The following ARHGAP10 variants were observed in gnomAD, a reference collection of about 807,000 sequenced individuals.
ARHGAP10 encodes rho GTPase-activating protein 10.
ARHGAP10 carries 87 observed loss-of-function variants against 108.6 expected under a neutral mutation model. The ratio of observed to expected loss-of-function variants is 0.80; its 90% CI spans 0.67 to 0.96. ARHGAP10 has a LOEUF of 0.96. Ranked by LOEUF, ARHGAP10 falls within the 40% of genes least tolerant of loss-of-function variation. ARHGAP10 has a pLI of 0.00. For missense variants in ARHGAP10, 939 were observed against 954.5 expected (o/e 0.98, Z 0.21); for synonymous variants, 347 against 341.1 (o/e 1.02, Z -0.19).
chr4:148,057,029 A>C (rs775196980), intron 20 of ARHGAP10, among the ~76,000 whole-genome samples: 1 of 152,192 alleles, frequency 6.6e-6, no homozygotes, highest in Non-Finnish European at 1.5e-5. Flanking sequence ...TGCTCAGCCA[A>C]GTTTCAGTTG....
chr4:147,803,954 G>C (rs1048435989), intron 1 of ARHGAP10, among the ~76,000 whole-genome samples: 2 of 151,100 alleles, frequency 1.3e-5, no homozygotes, highest in Admixed American at 1.3e-4. Context: ...ATAAATATTC[G>C]ATAGTGGGAA....
chr4:148,040,573 C>T (rs901584115), intron 19 of ARHGAP10, among the ~76,000 whole-genome samples: 2 of 152,072 alleles, frequency 1.3e-5, no homozygotes, highest in African/African-American at 4.8e-5. Context: ...AACTCCTGGC[C>T]TCAGGTGATC....
intron 1 of ARHGAP10, among the ~76,000 whole-genome samples, chr4:147,793,155 T>C (rs1731183043): frequency 6.6e-6 from 1 of 151,452 alleles, no homozygotes; most frequent in African/African-American, 2.4e-5. Flanking sequence ...AGAAAATGTG[T>C]GTGTATGTAT....
At chr4:148,051,021 G>T (rs1313668173) in intron 20 of ARHGAP10, among the ~76,000 whole-genome samples, 1 of 152,222 alleles carries the variant, frequency 6.6e-6, no homozygotes, top group Non-Finnish European at 1.5e-5. Flanking sequence ...CAGTAGATCT[G>T]TTGAACAAAA....
chr4:147,799,078 A>G (rs968332523), intron 1 of ARHGAP10, among the ~76,000 whole-genome samples: 3 of 151,096 alleles, frequency 2.0e-5, no homozygotes, highest in African/African-American at 7.3e-5. Flanking sequence ...TCTGTCACCC[A>G]GGCTGGAATG....
intron 18 of ARHGAP10, among the ~76,000 whole-genome samples, chr4:148,010,841 C>G (rs1233966509): frequency 6.6e-6 from 1 of 152,202 alleles, no homozygotes; most frequent in African/African-American, 2.4e-5. Flanking sequence ...ATGTACTGCT[C>G]TAATGGTAGT....
chr4:147,988,436 C>CGGT (rs1255729723), intron 18 of ARHGAP10, among the ~76,000 whole-genome samples: 1 of 152,130 alleles, frequency 6.6e-6, no homozygotes, highest in Non-Finnish European at 1.5e-5. Flanking sequence ...GCCTGCCGGT[C>CGGT]CTTTGGTCAG....
intron 19 of ARHGAP10, among the ~76,000 whole-genome samples, chr4:148,038,676 T>G (rs544816470): frequency 6.6e-6 from 1 of 152,278 alleles, no homozygotes; most frequent in East Asian, 1.9e-4. Flanking sequence ...TTGGTTTTGA[T>G]TGGGTGGCCC....
intron 13 of ARHGAP10, 131 bp downstream of exon 13, chr4:147,913,270 A>G (rs1717434015): frequency 2.6e-6 from 2 of 759,372 alleles, no homozygotes; most frequent in Non-Finnish European, 4.4e-6. Context: ...TCTGAGTATC[A>G]GAAGGATCAG....
chr4:147,754,466 G>T (rs758403058), intron 1 of ARHGAP10, among the ~76,000 whole-genome samples: 1 of 152,180 alleles, frequency 6.6e-6, no homozygotes, highest in East Asian at 1.9e-4. Context: ...GCACAGTTGG[G>T]ATAGTGTTCA....
chr4:147,780,324 T>C (rs186166057), intron 1 of ARHGAP10, among the ~76,000 whole-genome samples: 36 of 152,124 alleles, frequency 2.4e-4, no homozygotes, highest in African/African-American at 8.4e-4. Context: ...GCCCTACCTC[T>C]CCTCTCCTAC....
At chr4:147,906,859 A>T in intron 11 of ARHGAP10, 140 bp downstream of exon 11, 3 of 960,674 alleles carry the variant, frequency 3.1e-6, no homozygotes, top group Non-Finnish European at 4.8e-6. Context: ...GAAGCATTCA[A>T]CATTCTAGTA....
chr4:147,844,461 A>G (rs1314677508), intron 3 of ARHGAP10, among the ~76,000 whole-genome samples: 1 of 152,062 alleles, frequency 6.6e-6, no homozygotes, highest in African/African-American at 2.4e-5. Flanking sequence ...TGTACCCATT[A>G]ACCATCCCTA....
At chr4:147,896,208 A>G (rs975586480) in intron 10 of ARHGAP10, among the ~76,000 whole-genome samples, 11 of 152,156 alleles carry the variant, frequency 7.2e-5, no homozygotes, top group African/African-American at 2.7e-4. Context: ...TTTGGTACCA[A>G]GGTTAAGATG....
rs529285612 is a variant in ARHGAP10, at chr4:148,045,998, C to G, written c.1868-894C>G. ...GTGCCATCTTTGTAGAACATTGCTG[C>G]CTCTGCAGGGTTGCCTGGAGCAGTT... On this transcript the variant is annotated intron_variant, in intron 19 of 22. Transcript: ENST00000336498. Among the ~76,000 whole-genome samples the G allele has an allele frequency of 2.6e-5, 4 of 152,252 alleles. No homozygotes were observed. The East Asian group carries it at 5.8e-4, about 22-fold the overall frequency.
chr4:147,819,182 C>T lies in ARHGAP10; in HGVS notation c.155-3545C>T, dbSNP rs1365920185. Among the ~76,000 whole-genome samples the T allele has an allele frequency of 2.0e-5, 3 of 152,294 alleles. No homozygotes were observed. The East Asian group carries it at 5.8e-4, about 29-fold the overall frequency. On this transcript the variant is annotated intron_variant, in intron 1 of 22. Coordinates refer to ENST00000336498, the MANE Select transcript of ARHGAP10 (RefSeq NM_024605.4). ...TTAACTTTCCAGAGAACCTACTATTCTGACCATATGAAACACCATCTTTAA... is the reference window on the plus strand; with the variant it reads ...TTAACTTTCCAGAGAACCTACTATTTTGACCATATGAAACACCATCTTTAA...
chr4:147,827,782 G>A (rs182131601), intron 3 of ARHGAP10, among the ~76,000 whole-genome samples: 137 of 152,180 alleles, frequency 9.0e-4, no homozygotes, highest in African/African-American at 3.0e-3. Flanking sequence ...TTGGTTCCAA[G>A]GATTTCATAG....
intron 18 of ARHGAP10, among the ~76,000 whole-genome samples, chr4:147,971,094 A>G: frequency 1.4e-5 from 1 of 70,700 alleles, no homozygotes; most frequent in East Asian, 2.7e-4. Context: ...ACTCTGTCTC[A>G]AAAAAAAAAA....
At chr4:148,046,361 A>G (rs1258524485) in intron 19 of ARHGAP10, among the ~76,000 whole-genome samples, 1 of 152,260 alleles carries the variant, frequency 6.6e-6, no homozygotes, top group East Asian at 1.9e-4. Context: ...ATCCAAAGGG[A>G]AATGGAAGTT....
Sources: allele counts gnomAD v4.1 joint callset (sites outside exome capture counted in the v4.1 genomes callset), GRCh38; gene constraint gnomAD v4.1.1; transcripts MANE v1.5; gene names NCBI Gene and HGNC (gene_info 2026-07-23, HGNC 2026-07-21).